Variants in FAXC observed in about 807,000 individuals in gnomAD.
FAXC encodes the protein failed axon connections homolog, metaxin like GST domain containing, also known as failed axon connections homolog.
Under a neutral mutation model 41.9 loss-of-function variants are expected in FAXC, and 10 were observed. That is an observed-to-expected ratio of 0.24 (90% CI 0.15 to 0.41). The LOEUF (loss-of-function observed/expected upper bound fraction) is 0.41, where lower values mean the gene tolerates loss of function less well. Ranked by LOEUF, FAXC falls within the 10% of genes least tolerant of loss-of-function variation. The pLI, the probability that FAXC is intolerant of heterozygous loss-of-function variation, is 1.00. For synonymous variants in FAXC, 183 were observed against 183.8 expected (o/e 1.00, Z 0.03); for missense variants, 399 against 510.9 (o/e 0.78, Z 2.11).
intron 1 of FAXC, among the ~76,000 whole-genome samples, chr6:99,346,910 C>A (rs1247259269): frequency 6.6e-6 from 1 of 152,092 alleles, no homozygotes; most frequent in Admixed American, 6.6e-5. Context: ...TCAGAAATAG[C>A]CCTTTTTTAT....
intron 3 of FAXC, among the ~76,000 whole-genome samples, chr6:99,323,993 C>A (rs186646351): frequency 1.3e-5 from 2 of 152,164 alleles, no homozygotes; most frequent in East Asian, 3.9e-4. Flanking sequence ...AAGTAGAAAC[C>A]CACTGGAAAA....
chr6:99,310,775 T>C (rs1404147650), intron 4 of FAXC, among the ~76,000 whole-genome samples: 1 of 152,244 alleles, frequency 6.6e-6, no homozygotes, highest in African/African-American at 2.4e-5. Flanking sequence ...TGTGCGTAGA[T>C]GTTCATCCTT....
At chr6:99,314,197 T>C (rs1772249585) in intron 4 of FAXC, among the ~76,000 whole-genome samples, 2 of 152,026 alleles carry the variant, frequency 1.3e-5, no homozygotes, top group South Asian at 4.2e-4. Flanking sequence ...CAGAACCTGA[T>C]TATGCCTGAC....
At chr6:99,307,814 A>G (rs1029513177) in intron 4 of FAXC, among the ~76,000 whole-genome samples, 5 of 152,142 alleles carry the variant, frequency 3.3e-5, no homozygotes, top group Non-Finnish European at 7.4e-5. Context: ...CACAAAGAGG[A>G]TGAGCCTAAG....
intron 1 of FAXC, among the ~76,000 whole-genome samples, chr6:99,343,569 A>G (rs1773496400): frequency 6.6e-6 from 1 of 152,222 alleles, no homozygotes; most frequent in African/African-American, 2.4e-5. Context: ...ACTTGCCCAA[A>G]GTCACATTGC....
At chr6:99,298,805 A>T (rs1191314748) in intron 4 of FAXC, among the ~76,000 whole-genome samples, 1 of 152,186 alleles carries the variant, frequency 6.6e-6, no homozygotes, top group Non-Finnish European at 1.5e-5. Context: ...ATTCTAACAT[A>T]AGGAATTCTT....
intron 2 of FAXC, among the ~76,000 whole-genome samples, chr6:99,338,609 T>C (rs918278737): frequency 6.6e-6 from 1 of 152,190 alleles, no homozygotes; most frequent in Non-Finnish European, 1.5e-5. Context: ...AAAGCTGTCA[T>C]GGCTAAGTGA....
intron 2 of FAXC, chr6:99,334,594 G>A: frequency 1.0e-6 from 1 of 980,030 alleles, no homozygotes; most frequent in African/African-American, 1.7e-5. Context: ...TACTAAAGAT[G>A]TAAACTTACC....
At chr6:99,332,205 G>A (rs368993030) in intron 3 of FAXC, among the ~76,000 whole-genome samples, 5 of 152,248 alleles carry the variant, frequency 3.3e-5, no homozygotes, top group African/African-American at 1.2e-4. Context: ...GATAGGAACA[G>A]CAAGTTCTCC....
In FAXC at chr6:99,346,690, G is replaced by C. The variant is rs76763599; in HGVS notation, c.266+2417C>G. Among the ~76,000 whole-genome samples, 280 of 152,102 alleles carry C rather than the reference G, an allele frequency of 1.8e-3. 4 individuals carry two copies. In the East Asian group the frequency reaches 0.046, roughly 25 times the overall value. On this transcript the variant is annotated intron_variant, in intron 1 of 5. Coordinates refer to ENST00000389677, the MANE Select transcript of FAXC (RefSeq NM_032511.4). Reference sequence around the variant, plus strand: ...GCTGGGATTACAGGCGTAAGCTGCCGCGCGCCGGGCCAAAGTAGGTACTTT... The same window carrying C: ...GCTGGGATTACAGGCGTAAGCTGCCCCGCGCCGGGCCAAAGTAGGTACTTT...
In FAXC at chr6:99,280,783, G is replaced by A. The variant is rs1357551613; in HGVS notation, c.*381C>T. On this transcript the variant is annotated 3_prime_UTR_variant, in exon 6 of 6. Coordinates refer to ENST00000389677, the MANE Select transcript of FAXC (RefSeq NM_032511.4). ...ATCTCTCATTACTTCAAATCCTGGT[G>A]GAGGAAGGAGGTTCAAGAATCCATC... 5.4e-6 allele frequency: 1 copy of A among 183,910 alleles called. No individual in the cohort carries two copies. The highest frequency in any genetic ancestry group is 1.4e-4 in the East Asian group (1 of 6,996). 11.4% of individuals were successfully genotyped at this position (183,910 alleles called of 1,614,324 possible).
chr6:99,288,655 A>G (rs773883218), intron 5 of FAXC, among the ~76,000 whole-genome samples: 45 of 152,206 alleles, frequency 3.0e-4, no homozygotes, highest in Non-Finnish European at 5.4e-4. Flanking sequence ...ACCATTTAGG[A>G]AATTAAATGA....
At chr6:99,301,494 TAAG>T (rs1251483224) in intron 4 of FAXC, among the ~76,000 whole-genome samples, 1 of 152,200 alleles carries the variant, frequency 6.6e-6, no homozygotes, top group African/African-American at 2.4e-5. Context: ...CAAAAAATTT[TAAG>T]AAGAAAACAA....
intron 4 of FAXC, among the ~76,000 whole-genome samples, chr6:99,300,122 G>A (rs1434637730): frequency 6.6e-6 from 1 of 152,054 alleles, no homozygotes; most frequent in Admixed American, 6.6e-5. Context: ...CCATCACTCT[G>A]TCTCTTTGCT....
intron 3 of FAXC, among the ~76,000 whole-genome samples, chr6:99,331,145 C>A (rs1206542153): frequency 6.6e-6 from 1 of 152,174 alleles, no homozygotes; most frequent in East Asian, 1.9e-4. Context: ...CAATCAAGAC[C>A]TTGCCTCCCA....
intron 5 of FAXC, among the ~76,000 whole-genome samples, chr6:99,284,542 CAGG>C: frequency 6.8e-6 from 1 of 146,584 alleles, no homozygotes; most frequent in Non-Finnish European, 1.5e-5. Context: ...GCAGCAGAAA[CAGG>C]TTGTGTGGAG....
In FAXC at chr6:99,279,172, T is replaced by C. The variant is rs982728454; in HGVS notation, c.*1992A>G. 2 of 152,178 alleles carry C rather than the reference T, an allele frequency of 1.3e-5. No individual in the cohort carries two copies. The highest frequency in any genetic ancestry group is 4.8e-5 in the African/African-American group (2 of 41,446). The allele number at this position is 152,178 out of a possible 1,614,324, so 9.4% of individuals were successfully genotyped here. On this transcript the variant is annotated 3_prime_UTR_variant, in exon 6 of 6. Coordinates refer to ENST00000389677, the MANE Select transcript of FAXC (RefSeq NM_032511.4). The stretch of plus-strand genomic sequence containing the variant: ...AGGGGAGGCAAACAGTCCTCCCAAA[T>C]GATGCTGCAGCCTCAAACAGGCTTA...
Position 99,342,854 on chromosome 6 carries a change from T to C in FAXC, c.402+44A>G, listed in dbSNP as rs185247819. The C allele has an allele frequency of 9.7e-6, 15 of 1,552,620 alleles. No individual in the cohort carries two copies. In the Admixed American group the frequency reaches 2.7e-4, roughly 28 times the overall value. ...CCCCTTTAGTTAAATACTCATCCCC[T>C]GATACTGATGTCATAAAAAGAAAAC... On this transcript the variant is annotated intron_variant, in intron 2 of 5. Transcript: ENST00000389677.
chr6:99,349,890 T>C (rs1773747100), upstream of FAXC: 1 of 151,880 alleles, frequency 6.6e-6, no homozygotes, highest in Non-Finnish European at 1.5e-5. Flanking sequence ...TGCCTGGAAA[T>C]GCGGCCCCAC....
Sources: allele counts gnomAD v4.1 joint callset (sites outside exome capture counted in the v4.1 genomes callset), GRCh38; gene constraint gnomAD v4.1.1; transcripts MANE v1.5; gene names NCBI Gene and HGNC (gene_info 2026-07-23, HGNC 2026-07-21).